Variants in PTH2R observed in about 807,000 individuals in gnomAD.
The protein encoded by PTH2R is PTH2 receptor.
A neutral mutation model predicts 60.3 loss-of-function variants in PTH2R; 59 were observed. The observed-to-expected ratio is 0.98, with a 90% CI of 0.79 to 1.22. PTH2R has a LOEUF of 1.22. PTH2R is among the 50% of genes most tolerant of loss of function. The pLI, the probability that PTH2R is intolerant of heterozygous loss-of-function variation, is 0.00. For missense variants in PTH2R, 749 were observed against 682.6 expected, an observed-to-expected ratio of 1.10 and a Z score of -1.08; for synonymous variants, 256 against 243.8, an observed-to-expected ratio of 1.05 and a Z score of -0.47.
chr2:208,366,307 T>C (rs150662119), intron 1 of PTH2R, among the ~76,000 whole-genome samples: 1 of 152,146 alleles, frequency 6.6e-6, no homozygotes, highest in Non-Finnish European at 1.5e-5. Flanking sequence ...CCATTTCTTA[T>C]AGGTCATCCA....
At chr2:208,427,354 C>T (rs919969306) in intron 1 of PTH2R, among the ~76,000 whole-genome samples, 1 of 152,180 alleles carries the variant, frequency 6.6e-6, no homozygotes, top group Non-Finnish European at 1.5e-5. Flanking sequence ...TTCATTTGCT[C>T]TTTTTGATAT....
intron 12 of PTH2R, 72 bp downstream of exon 12, chr2:208,490,752 CTT>C: frequency 2.2e-6 from 3 of 1,389,870 alleles, no homozygotes; most frequent in Non-Finnish European, 2.9e-6. Flanking sequence ...TCCTGAATCT[CTT>C]TAGAATTTCC....
At chr2:208,477,708 A>G (rs1703038747) in intron 9 of PTH2R, among the ~76,000 whole-genome samples, 1 of 151,764 alleles carries the variant, frequency 6.6e-6, no homozygotes, top group East Asian at 1.9e-4. Flanking sequence ...ATTGGCTTTA[A>G]TGTTTATTAA....
intron 2 of PTH2R, among the ~76,000 whole-genome samples, chr2:208,430,546 CTTTTTTTTT>C (rs760898660): frequency 2.5e-5 from 3 of 118,240 alleles, no homozygotes; most frequent in African/African-American, 9.4e-5. Context: ...TGTCTGGCTT[CTTTTTTTTT>C]TTTTTTTTTG....
At position 208,493,172 on chromosome 2, in the gene PTH2R, G is replaced by A. The variant is rs955968555; in HGVS notation, c.1258-92G>A. 3.1e-6 allele frequency: 4 copies of A among 1,276,552 alleles called. No individual in the cohort carries two copies. In the African/African-American group the frequency reaches 4.5e-5, roughly 14 times the overall value. The allele number at this position is 1,276,552 out of a possible 1,614,324, so 79.1% of individuals were successfully genotyped here. On this transcript the variant is annotated intron_variant, in intron 12 of 12. Transcript: ENST00000272847. ...AGAGGAACCTCAATCAATGATTATTGCTGTCATTGAAATCAAGGCAAACAT... is the reference window on the plus strand; with the variant it reads ...AGAGGAACCTCAATCAATGATTATTACTGTCATTGAAATCAAGGCAAACAT...
chr2:208,443,626 G>T, intron 6 of PTH2R, 89 bp downstream of exon 6: 1 of 1,131,002 alleles, frequency 8.8e-7, no homozygotes, highest in South Asian at 1.9e-5. Flanking sequence ...ATGTTAACTT[G>T]CTTTTACTTA....
chr2:208,437,702 T>C lies in PTH2R; in HGVS notation c.289+55T>C, dbSNP rs927696342. 5.0e-6 allele frequency: 8 copies of C among 1,603,402 alleles called. No individual in the cohort carries two copies. The Admixed American group carries it at 8.4e-5, about 17-fold the overall frequency. ...AAAACAAACATTTACTTGTCCATTT[T>C]CTTGATAATAGATTCTAAGGGAACT... On this transcript the variant is annotated intron_variant, in intron 3 of 12. Coordinates refer to ENST00000272847, the MANE Select transcript of PTH2R (RefSeq NM_005048.4).
chr2:208,487,937 C>T (rs1157950196), intron 10 of PTH2R, among the ~76,000 whole-genome samples: 1 of 152,124 alleles, frequency 6.6e-6, no homozygotes, highest in African/African-American at 2.4e-5. Context: ...AATGTAATCT[C>T]AGAAGTGGGA....
At chr2:208,446,466 T>C (rs545271795) in intron 7 of PTH2R, among the ~76,000 whole-genome samples, 1 of 152,342 alleles carries the variant, frequency 6.6e-6, no homozygotes, top group South Asian at 2.1e-4. Flanking sequence ...TGAAATAGTT[T>C]GAGAACACAC....
intron 1 of PTH2R, among the ~76,000 whole-genome samples, chr2:208,427,928 A>G (rs978480938): frequency 1.3e-5 from 2 of 150,918 alleles, no homozygotes; most frequent in African/African-American, 4.9e-5. Context: ...TTTTTTTTGT[A>G]GTCTATTATC....
At chr2:208,442,699 A>C (rs1461996889) in intron 5 of PTH2R, among the ~76,000 whole-genome samples, 1 of 152,212 alleles carries the variant, frequency 6.6e-6, no homozygotes, top group East Asian at 1.9e-4. Flanking sequence ...TATGTACTGA[A>C]GTATATTTGT....
upstream of PTH2R, chr2:208,406,746 C>A (rs535715509): frequency 1.8e-4 from 52 of 283,124 alleles, no homozygotes; most frequent in East Asian, 2.8e-3. Flanking sequence ...GGGGCGGGAG[C>A]CGCCCCCTTC....
At chr2:208,473,496 C>T (rs1033068648) in intron 9 of PTH2R, among the ~76,000 whole-genome samples, 1 of 152,106 alleles carries the variant, frequency 6.6e-6, no homozygotes, top group Non-Finnish European at 1.5e-5. Flanking sequence ...ACAATGAAAC[C>T]TGAAATTACA....
At chr2:208,426,269 G>T (rs1050155110) in intron 1 of PTH2R, among the ~76,000 whole-genome samples, 5 of 152,096 alleles carry the variant, frequency 3.3e-5, no homozygotes, top group Admixed American at 6.5e-5. Context: ...AATCATAAAT[G>T]ATCACTTGTC....
intron 1 of PTH2R, among the ~76,000 whole-genome samples, chr2:208,427,415 T>A (rs899516010): frequency 1.3e-5 from 2 of 152,186 alleles, no homozygotes; most frequent in African/African-American, 4.8e-5. Flanking sequence ...TCAGAATCCA[T>A]GTTGTATTAT....
chr2:208,457,658 T>C (rs1435227472), intron 8 of PTH2R, among the ~76,000 whole-genome samples: 1 of 152,164 alleles, frequency 6.6e-6, no homozygotes, highest in Non-Finnish European at 1.5e-5. Context: ...ATACACAATA[T>C]GGTAATAAAA....
chr2:208,404,283 A>G (rs1430268045), upstream of PTH2R, among the ~76,000 whole-genome samples: 1 of 151,470 alleles, frequency 6.6e-6, no homozygotes, highest in Non-Finnish European at 1.5e-5. Context: ...AGGAAATGGC[A>G]TGGTACCAAG....
chr2:208,402,953 C>T (rs375469706), upstream of PTH2R, among the ~76,000 whole-genome samples: 7 of 152,142 alleles, frequency 4.6e-5, no homozygotes, highest in East Asian at 5.8e-4. Flanking sequence ...CACTGGCTGC[C>T]GTGTGTCCTT....
intron 10 of PTH2R, 103 bp downstream of exon 10, chr2:208,481,267 G>A (rs1574912437): frequency 3.3e-6 from 2 of 609,960 alleles, no homozygotes; most frequent in Non-Finnish European, 5.4e-6. Context: ...TGCCCAGGCT[G>A]GAGTGCAATG....
Sources: allele counts gnomAD v4.1 joint callset (sites outside exome capture counted in the v4.1 genomes callset), GRCh38; gene constraint gnomAD v4.1.1; transcripts MANE v1.5; gene names NCBI Gene and HGNC (gene_info 2026-07-23, HGNC 2026-07-21).